The following SNX2 variants were observed in gnomAD, a reference collection of about 807,000 sequenced individuals.
The protein encoded by SNX2 is sorting nexin-2.
A neutral mutation model predicts 69.9 loss-of-function variants in SNX2; 25 were observed. The ratio of observed to expected loss-of-function variants is 0.36; its 90% CI spans 0.26 to 0.50. The LOEUF (loss-of-function observed/expected upper bound fraction) is 0.50. Among genes scored for constraint, SNX2 ranks in the 20% least tolerant of loss-of-function variants. The probability of loss-of-function intolerance (pLI) is 0.97; values close to 1 mark genes in which losing one functional copy is unlikely to be tolerated. For synonymous variants in SNX2, 229 were observed against 200.4 expected (o/e 1.14, Z -1.20); for missense variants, 551 against 613.3 (o/e 0.90, Z 1.07).
intron 2 of SNX2, among the ~76,000 whole-genome samples, chr5:122,796,516 C>T (rs1177038871): frequency 3.3e-5 from 5 of 152,126 alleles, no homozygotes; most frequent in African/African-American, 1.2e-4. Context: ...TCAAAATCAC[C>T]GTTAACCAAA....
intron 7 of SNX2, among the ~76,000 whole-genome samples, chr5:122,812,347 C>A (rs1011157762): frequency 2.7e-5 from 4 of 148,812 alleles, no homozygotes; most frequent in Non-Finnish European, 4.5e-5. Context: ...GCCAGACTAA[C>A]CTTTTGCTGC....
chr5:122,776,050 A>G (rs1752849932), intron 1 of SNX2, among the ~76,000 whole-genome samples: 2 of 152,216 alleles, frequency 1.3e-5, no homozygotes, highest in South Asian at 4.2e-4. Flanking sequence ...GTTCCATTTG[A>G]ATTGCTTTGC....
Position 122,802,069 on chromosome 5 carries a change from CTT to C in SNX2, c.458-6_458-5del, listed in dbSNP as rs1355047438. The C allele has an allele frequency of 6.2e-7, 1 of 1,611,472 alleles. No homozygotes were observed. The highest frequency in any genetic ancestry group is 8.5e-7 in the Non-Finnish European group (1 of 1,177,878). Reference sequence around the variant, plus strand: ...ATGTGATTTTAATAGTAGTGTTTGACTTTTTTTGCAGGTGATGGCATGAATGC... The same window carrying C: ...ATGTGATTTTAATAGTAGTGTTTGACTTTTTGCAGGTGATGGCATGAATGC... On this transcript the variant is annotated splice_polypyrimidine_tract_variant and intron_variant, in intron 4 of 14. Coordinates refer to ENST00000379516, the MANE Select transcript of SNX2 (RefSeq NM_003100.4).
chr5:122,785,348 AT>A (rs1753063324), intron 1 of SNX2, among the ~76,000 whole-genome samples: 1 of 151,492 alleles, frequency 6.6e-6, no homozygotes, highest in Admixed American at 6.6e-5. Context: ...GAGTCACACT[AT>A]GTTGCCCAGG....
chr5:122,802,481 A>G (rs1753538699), intron 5 of SNX2, among the ~76,000 whole-genome samples: 1 of 152,228 alleles, frequency 6.6e-6, no homozygotes, highest in African/African-American at 2.4e-5. Flanking sequence ...GAAGTGATGC[A>G]TGATTGAAAC....
chr5:122,781,487 T>C (rs1034973927), intron 1 of SNX2, among the ~76,000 whole-genome samples: 11 of 152,340 alleles, frequency 7.2e-5, no homozygotes, highest in African/African-American at 2.6e-4. Context: ...CAGGCTTTTG[T>C]GTGAGCATGA....
At chr5:122,775,070 G>C (rs1036498514), upstream of SNX2, 1 of 1,558,006 alleles carries the variant, frequency 6.4e-7, no homozygotes, top group African/African-American at 1.4e-5. Flanking sequence ...GGGTCCGCGA[G>C]GCCCAGCTCG....
At chr5:122,807,325 A>G (rs193169332) in intron 6 of SNX2, among the ~76,000 whole-genome samples, 1 of 152,266 alleles carries the variant, frequency 6.6e-6, no homozygotes, top group African/African-American at 2.4e-5. Context: ...TTGTGCATAC[A>G]TTACCACAGT....
At chr5:122,800,489 C>A (rs2150007766) in intron 3 of SNX2, among the ~76,000 whole-genome samples, 1 of 152,054 alleles carries the variant, frequency 6.6e-6, no homozygotes, top group Non-Finnish European at 1.5e-5. Context: ...TTACATAATT[C>A]TAATATATGA....
intron 1 of SNX2, among the ~76,000 whole-genome samples, chr5:122,785,526 A>G (rs746628019): frequency 9.2e-5 from 14 of 151,952 alleles, no homozygotes; most frequent in Admixed American, 1.3e-4. Context: ...CTGTTTAGCT[A>G]TGTATTTCCC....
intron 2 of SNX2, 36 bp downstream of exon 2, chr5:122,795,419 A>T (rs1311376616): frequency 3.8e-6 from 5 of 1,308,620 alleles, no homozygotes; most frequent in Admixed American, 3.5e-5. Flanking sequence ...ATAATGGTCA[A>T]TTGCAGTATA....
intron 2 of SNX2, among the ~76,000 whole-genome samples, chr5:122,796,826 A>G (rs1341249430): frequency 6.6e-6 from 1 of 152,140 alleles, no homozygotes; most frequent in Non-Finnish European, 1.5e-5. Flanking sequence ...GTGTTTGTGT[A>G]CATGCAAGGT....
At chr5:122,824,333 G>T (rs1053652234) in intron 11 of SNX2, among the ~76,000 whole-genome samples, 1 of 152,032 alleles carries the variant, frequency 6.6e-6, no homozygotes. Flanking sequence ...GTGGCCCAGG[G>T]AAGCCAAAGC....
chr5:122,823,026 T>A (rs1277439186), intron 11 of SNX2, among the ~76,000 whole-genome samples: 1 of 152,316 alleles, frequency 6.6e-6, no homozygotes, highest in East Asian at 1.9e-4. Flanking sequence ...AATTGTAGCA[T>A]CAAATTTCCT....
At chr5:122,776,207 C>T (rs1561435139) in intron 1 of SNX2, among the ~76,000 whole-genome samples, 1 of 152,148 alleles carries the variant, frequency 6.6e-6, no homozygotes, top group African/African-American at 2.4e-5. Context: ...TTGTTTAACT[C>T]TGCACCAAAT....
At chr5:122,814,687 C>T (rs925771503) in intron 7 of SNX2, among the ~76,000 whole-genome samples, 6 of 151,536 alleles carry the variant, frequency 4.0e-5, no homozygotes, top group Non-Finnish European at 5.9e-5. Flanking sequence ...TATGTTATTG[C>T]GAGGAAAAAT....
Position 122,803,627 on chromosome 5 carries a change from T to A in SNX2, c.643+14T>A. On this transcript the variant is annotated intron_variant, in intron 6 of 14. Coordinates refer to ENST00000379516, the MANE Select transcript of SNX2 (RefSeq NM_003100.4). ...AGAGTATAGTAGGTAAGCACAAATT[T>A]TTCAAAAATTAATTTTTGTTACTGT... 1.3e-6 allele frequency: 2 copies of A among 1,583,136 alleles called. No homozygotes were observed. The highest frequency in any genetic ancestry group is 1.7e-6 in the Non-Finnish European group (2 of 1,167,180).
rs1305208926 is a variant in SNX2, at chr5:122,831,570, AATC to A, written c.*1926_*1928del. On this transcript the variant is annotated 3_prime_UTR_variant, in exon 15 of 15. Transcript: ENST00000379516. ...AAAGAAACTGAAGCAGAAATAGTAC[AATC>A]ATCTTTTGTTGCTTCTGGGAATACT... is the stretch of plus-strand genomic sequence containing the variant. Among the ~76,000 whole-genome samples, 4 of 152,350 alleles carry A rather than the reference AATC, an allele frequency of 2.6e-5. No homozygotes were observed. The East Asian group carries it at 7.7e-4, about 29-fold the overall frequency.
At chr5:122,781,057 T>A (rs1752970530) in intron 1 of SNX2, among the ~76,000 whole-genome samples, 1 of 152,210 alleles carries the variant, frequency 6.6e-6, no homozygotes, top group South Asian at 2.1e-4. Context: ...GACCACTTTC[T>A]CTTGAAACCA....
Sources: gnomAD v4.1 joint callset for allele counts (sites outside exome capture counted in the v4.1 genomes callset) on GRCh38, gnomAD v4.1.1 for gene constraint, MANE v1.5 for transcripts, NCBI Gene and HGNC (gene_info 2026-07-23, HGNC 2026-07-21) for gene names.